The following ANKRD55 variants were observed in gnomAD, a reference collection of about 807,000 sequenced individuals.
ANKRD55 encodes ankyrin repeat domain 55, also known as ankyrin repeat domain-containing protein 55.
ANKRD55 carries 41 observed loss-of-function variants against 60.6 expected under a neutral mutation model. That is an observed-to-expected ratio of 0.68 (90% CI 0.53 to 0.88). ANKRD55 has a LOEUF of 0.88. Among genes scored for constraint, ANKRD55 ranks in the 40% least tolerant of loss-of-function variants. The pLI is 0.00. For missense variants in ANKRD55, 732 were observed against 767.6 expected, an observed-to-expected ratio of 0.95 and a Z score of 0.55; for synonymous variants, 264 against 290.3, an observed-to-expected ratio of 0.91 and a Z score of 0.92.
At chr5:56,152,558 C>T (rs576753672) in intron 6 of ANKRD55, among the ~76,000 whole-genome samples, 16 of 152,172 alleles carry the variant, frequency 1.1e-4, no homozygotes, top group Non-Finnish European at 2.1e-4. Context: ...AAAATGAGAG[C>T]AGGAGAGGTT....
chr5:56,175,552 G>C (rs1198390274), intron 4 of ANKRD55, among the ~76,000 whole-genome samples: 1 of 152,138 alleles, frequency 6.6e-6, no homozygotes, highest in Non-Finnish European at 1.5e-5. Context: ...CTCTAATGTT[G>C]GGAAATGCTG....
intron 7 of ANKRD55, among the ~76,000 whole-genome samples, chr5:56,128,451 T>G (rs1757332336): frequency 2.0e-5 from 3 of 152,200 alleles, no homozygotes; most frequent in South Asian, 4.1e-4. Context: ...AGCAGGTCTC[T>G]TGGTAGCTGG....
At chr5:56,225,180 T>C (rs570049498) in intron 2 of ANKRD55, among the ~76,000 whole-genome samples, 1 of 152,156 alleles carries the variant, frequency 6.6e-6, no homozygotes. Context: ...TGCTTCAACA[T>C]ACACAAATCA....
intron 5 of ANKRD55, chr5:56,162,103 A>G (rs1316754085): frequency 1.1e-6 from 1 of 928,128 alleles, no homozygotes; most frequent in Non-Finnish European, 1.3e-6. Context: ...AGGGCAAGGC[A>G]GGAGGTCAGC....
intron 3 of ANKRD55, among the ~76,000 whole-genome samples, chr5:56,180,379 A>C (rs910593109): frequency 6.6e-6 from 1 of 152,178 alleles, no homozygotes; most frequent in Non-Finnish European, 1.5e-5. Context: ...CTTTTTCAAA[A>C]TTGTTTTAAC....
intron 2 of ANKRD55, among the ~76,000 whole-genome samples, chr5:56,211,233 A>G (rs182587218): frequency 1.2e-3 from 186 of 152,322 alleles, no homozygotes; most frequent in Non-Finnish European, 2.0e-3. Context: ...AGTATCTCCG[A>G]GTCTCTATAA....
intron 8 of ANKRD55, among the ~76,000 whole-genome samples, chr5:56,120,595 C>G (rs1757014369): frequency 6.6e-6 from 1 of 152,236 alleles, no homozygotes; most frequent in Non-Finnish European, 1.5e-5. Context: ...AAGGTGGTCC[C>G]CCTTCAATGG....
Position 56,127,023 on chromosome 5 carries a change from C to T in ANKRD55, c.696G>A (p.Lys232=), listed in dbSNP as rs1415051460. ...SIINYDDESG[K]TCVHIAAAAG... The stretch of plus-strand genomic sequence containing the variant: ...CTGCCGCTGCGATATGTACACATGT[C>T]TTCCCACTCTCATCATCATAGTTGA... The change falls in exon 8 of 12, where the codon AAG becomes AAA. Residue 232 remains lysine, a synonymous_variant. Coordinates refer to ENST00000341048, the MANE Select transcript of ANKRD55 (RefSeq NM_024669.3). 1.2e-6 allele frequency: 2 copies of T among 1,613,822 alleles called. No individual in the cohort carries two copies. Among genetic ancestry groups the T allele is most frequent in the East Asian group, 2.2e-5 (1 of 44,876 alleles).
At chr5:56,226,096 G>A (rs1431785470) in intron 2 of ANKRD55, among the ~76,000 whole-genome samples, 34 of 152,100 alleles carry the variant, frequency 2.2e-4, no homozygotes, top group Admixed American at 8.5e-4. Flanking sequence ...ACAAGGCTAC[G>A]GTAACCAAAA....
Position 56,111,741 on chromosome 5 carries a change from G to A in ANKRD55, c.1007C>T (p.Pro336Leu), listed in dbSNP as rs769433125. The A allele has an allele frequency of 6.6e-7, 1 of 1,515,724 alleles. No individual in the cohort carries two copies. The highest frequency in any genetic ancestry group is 1.4e-5 in the South Asian group (1 of 72,504). The allele number at this position is 1,515,724 out of a possible 1,614,324, so 93.9% of individuals were successfully genotyped here. A position where few individuals can be genotyped will look rare whatever the true frequency, so the allele number is the denominator to read the frequency against. The change falls in exon 10 of 12, where the codon CCC becomes CTC. Residue 336 changes from proline (P) to leucine (L), a missense_variant. Pro to Leu is a moderately conservative substitution (Grantham distance 98). This residue lies in a region of ANKRD55 where 597 missense variants were observed against 607.5 expected (regional missense o/e 0.98). Transcript: ENST00000341048. Reference protein sequence around the residue: ...TRPPPSQSSRPQKKERRFNVL... With the variant: ...TRPPPSQSSRLQKKERRFNVL... Reference sequence around the variant, plus strand: ...GTTGAACCGTCTCTCCTTCTTCTGGGGCCGACTGCTCTGGGAGGGAGGGGG... The same window carrying A: ...GTTGAACCGTCTCTCCTTCTTCTGGAGCCGACTGCTCTGGGAGGGAGGGGG...
At chr5:56,165,271 T>C (rs1758419384) in intron 5 of ANKRD55, among the ~76,000 whole-genome samples, 2 of 152,134 alleles carry the variant, frequency 1.3e-5, no homozygotes, top group South Asian at 2.1e-4. Context: ...CCAACAACCA[T>C]TGCAGTAAAC....
intron 2 of ANKRD55, among the ~76,000 whole-genome samples, chr5:56,218,917 A>G (rs981365990): frequency 3.9e-5 from 6 of 152,202 alleles, no homozygotes; most frequent in Non-Finnish European, 1.5e-5. Context: ...AGTAAAAGGC[A>G]TACAAGTGTT....
rs144241953 is a variant in ANKRD55 at position 56,119,643 on chromosome 5, T to C, written c.798-2861A>G. 1.9e-3 allele frequency among the ~76,000 whole-genome samples: 289 copies of C among 152,314 alleles called. 1 individual carries two copies. Among genetic ancestry groups the C allele is most frequent in the African/African-American group, 6.8e-3 (284 of 41,582 alleles). Reference sequence around the variant, plus strand: ...AAAATAAAAAACCATGGCTGAGCACTGTGGCTCATGCCTGAAATCCCAGCA... The same window carrying C: ...AAAATAAAAAACCATGGCTGAGCACCGTGGCTCATGCCTGAAATCCCAGCA... On this transcript the variant is annotated intron_variant, in intron 8 of 11. Transcript: ENST00000341048.
At chr5:56,212,487 T>C (rs1025411417) in intron 2 of ANKRD55, among the ~76,000 whole-genome samples, 1 of 152,172 alleles carries the variant, frequency 6.6e-6, no homozygotes, top group Non-Finnish European at 1.5e-5. Flanking sequence ...ATGTAATAAT[T>C]ATAAAGGAAG....
At chr5:56,156,678 T>C (rs182572) in intron 6 of ANKRD55, among the ~76,000 whole-genome samples, 115,181 of 152,086 alleles carry the variant, frequency 0.76, 43,697 homozygotes, top group South Asian at 0.79. Context: ...CACAATCTGC[T>C]GACATGGACT....
chr5:56,232,314 G>A (rs1022884664), intron 2 of ANKRD55, among the ~76,000 whole-genome samples: 13 of 152,086 alleles, frequency 8.5e-5, no homozygotes, highest in African/African-American at 3.1e-4. Context: ...TAATAGCATA[G>A]GGATATGTCA....
intron 8 of ANKRD55, among the ~76,000 whole-genome samples, chr5:56,126,463 C>A (rs1027949921): frequency 6.6e-6 from 1 of 152,038 alleles, no homozygotes; most frequent in East Asian, 1.9e-4. Flanking sequence ...CTTTGATGAT[C>A]GAAAACAACA....
rs1757469398 is a variant in ANKRD55 at position 56,133,130 on chromosome 5, T to C, written c.613-6024A>G. Among the ~76,000 whole-genome samples the C allele has an allele frequency of 3.9e-5, 6 of 152,284 alleles. No homozygotes were observed. In the South Asian group the frequency reaches 1.2e-3, roughly 32 times the overall value. On this transcript the variant is annotated intron_variant, in intron 7 of 11. Coordinates refer to ENST00000341048, the MANE Select transcript of ANKRD55 (RefSeq NM_024669.3). ...CCAGAAAGCAGAAAATCAGTAGGAA[T>C]ATAGTTGAACTTAAAAATACAATTA...
At chr5:56,208,502 G>A (rs1243694869) in intron 2 of ANKRD55, among the ~76,000 whole-genome samples, 1 of 152,046 alleles carries the variant, frequency 6.6e-6, no homozygotes, top group Non-Finnish European at 1.5e-5. Flanking sequence ...TCGGCTCACT[G>A]TAACCTCCAC....
Sources: gnomAD v4.1 joint callset for allele counts (sites outside exome capture counted in the v4.1 genomes callset) on GRCh38, gnomAD v4.1.1 for gene constraint, gnomAD v4.1.1 regional missense constraint, MANE v1.5 for transcripts, NCBI Gene and HGNC (gene_info 2026-07-23, HGNC 2026-07-21) for gene names.